MAMSTR: variants seen among roughly 807,000 people sequenced by gnomAD.
MAMSTR encodes the protein MEF2-activating motif and SAP domain-containing transcriptional regulator.
Under a neutral mutation model 42.7 loss-of-function variants are expected in MAMSTR, and 41 were observed. That is an observed-to-expected ratio of 0.96 (90% confidence interval 0.75 to 1.25). MAMSTR has a LOEUF of 1.25. Ranked by LOEUF, MAMSTR falls within the 50% of genes most tolerant of loss-of-function variation. The pLI is 0.00. For synonymous variants in MAMSTR, 265 were observed against 244.1 expected, an observed-to-expected ratio of 1.09 and a Z score of -0.80; for missense variants, 567 against 557.6, an observed-to-expected ratio of 1.02 and a Z score of -0.17.
In MAMSTR at chr19:48,714,821, T is replaced by G; in HGVS notation, c.513A>C (p.Lys171Asn). The G allele has an allele frequency of 6.2e-7, 1 of 1,609,594 alleles. No homozygotes were observed. Among genetic ancestry groups the G allele is most frequent in the Non-Finnish European group, 8.5e-7 (1 of 1,176,208 alleles). ...PPHKLELQTL[K>N]LEELTVSELR... ...CCAAACTCACCGTCAGCTCCTCCAG[T>G]TTAAGGGTCTGAAGTTCCAACTTGT... The change falls in exon 6 of 10, where the codon AAA becomes AAC. Residue 171 changes from lysine to asparagine, a missense_variant. Coordinates refer to ENST00000318083, the MANE Select transcript of MAMSTR (RefSeq NM_001130915.2).
intron 3 of MAMSTR, chr19:48,716,049 C>T (rs946958368): frequency 2.1e-6 from 2 of 942,588 alleles, no homozygotes; most frequent in Admixed American, 4.6e-5. Context: ...GTGGGGCCTG[C>T]ACTCCTGGTT....
chr19:48,708,791 A>G (rs970871650), downstream of MAMSTR, among the ~76,000 whole-genome samples: 2 of 152,068 alleles, frequency 1.3e-5, no homozygotes, highest in African/African-American at 2.4e-5. Context: ...CGAGACACAG[A>G]GAGATGAGCG....
chr19:48,709,832 C>T (rs1173415839), downstream of MAMSTR, among the ~76,000 whole-genome samples: 4 of 152,158 alleles, frequency 2.6e-5, no homozygotes, highest in Admixed American at 1.3e-4. Flanking sequence ...ACCCACTTAC[C>T]TTGCCTCTTC....
downstream of MAMSTR, among the ~76,000 whole-genome samples, chr19:48,708,251 AAAG>A (rs1366735545): frequency 9.8e-4 from 135 of 137,714 alleles, no homozygotes; most frequent in African/African-American, 3.3e-3. Context: ...AAAAAAAAAA[AAAG>A]AAGAAGAAGG....
chr19:48,707,919 A>AAAAG (rs1397204557), downstream of MAMSTR, among the ~76,000 whole-genome samples: 1 of 143,122 alleles, frequency 7.0e-6, no homozygotes, highest in African/African-American at 2.9e-5. Flanking sequence ...AAAGAAAGAA[A>AAAAG]AAAGAAAGAA....
At chr19:48,718,867 GCA>G in intron 2 of MAMSTR, 105 bp downstream of exon 2, 2 of 1,142,052 alleles carry the variant, frequency 1.8e-6, no homozygotes, top group Admixed American at 2.1e-5. Flanking sequence ...ATGACCTTTT[GCA>G]CAAAAAACAC....
the MAMSTR span, among the ~76,000 whole-genome samples, chr19:48,707,105 C>G: frequency 6.6e-6 from 1 of 151,104 alleles, no homozygotes; most frequent in African/African-American, 2.4e-5. Flanking sequence ...GACACCATCA[C>G]TAACAAAATT....
rs2032870941 is a variant in MAMSTR at position 48,714,177 on chromosome 19, C to G, written c.724-132G>C. 2.6e-5 allele frequency: 29 copies of G among 1,118,460 alleles called. 1 individual carries two copies. In the South Asian group the frequency reaches 4.7e-4, roughly 18 times the overall value. 69.3% of individuals were successfully genotyped at this position (1,118,460 alleles called of 1,614,324 possible). A position where few individuals can be genotyped will look rare whatever the true frequency, so the allele number is the denominator to read the frequency against. On this transcript the variant is annotated intron_variant, in intron 7 of 9. Coordinates refer to ENST00000318083, the MANE Select transcript of MAMSTR (RefSeq NM_001130915.2). ...TCATCAACCCCTTTGGCCTCGCCCC[C>G]TATTCTTTCATTGGCTCCTCTTCTC...
At chr19:48,714,323 G>A in intron 7 of MAMSTR, 43 bp downstream of exon 7, 1 of 1,339,556 alleles carries the variant, frequency 7.5e-7, no homozygotes. Flanking sequence ...GGCCCACTTT[G>A]CTTTCTCTTC....
intron 3 of MAMSTR, chr19:48,715,989 G>A: frequency 7.5e-7 from 1 of 1,342,130 alleles, no homozygotes; most frequent in African/African-American, 1.5e-5. Flanking sequence ...TATCACAAAG[G>A]GGTGTGGTAG....
intron 2 of MAMSTR, among the ~76,000 whole-genome samples, chr19:48,717,863 C>G (rs946066974): frequency 9.9e-5 from 15 of 152,162 alleles, no homozygotes; most frequent in Admixed American, 6.6e-4. Flanking sequence ...CGCCGCCACA[C>G]CCGGCTAATT....
At chr19:48,711,965 C>A (rs1423722992), downstream of MAMSTR, among the ~76,000 whole-genome samples, 1 of 151,718 alleles carries the variant, frequency 6.6e-6, no homozygotes, top group Admixed American at 6.6e-5. Flanking sequence ...ACCGTGTTAG[C>A]CAGGATGGTC....
At chr19:48,717,001 C>A in intron 2 of MAMSTR, 1 of 1,128,598 alleles carries the variant, frequency 8.9e-7, no homozygotes. Context: ...GGCAGCCCTG[C>A]CCCCGGCTCC....
chr19:48,710,216 TGCCTCA>T (rs1314661777), downstream of MAMSTR, among the ~76,000 whole-genome samples: 1 of 151,856 alleles, frequency 6.6e-6, no homozygotes, highest in Admixed American at 6.6e-5. Context: ...GTGATTCTCC[TGCCTCA>T]GCCTCCCGAG....
the MAMSTR span, among the ~76,000 whole-genome samples, chr19:48,707,587 A>G: frequency 6.9e-6 from 1 of 144,560 alleles, no homozygotes; most frequent in Non-Finnish European, 1.5e-5. Context: ...CTAAAAATAC[A>G]AAAATTAGCC....
At chr19:48,718,380 CTTTTTT>C (rs796615883) in intron 2 of MAMSTR, among the ~76,000 whole-genome samples, 21 of 95,162 alleles carry the variant, frequency 2.2e-4, no homozygotes, top group African/African-American at 5.4e-4. Context: ...TTGCACACTT[CTTTTTT>C]TTTTTTTTTT....
downstream of MAMSTR, among the ~76,000 whole-genome samples, chr19:48,707,820 G>GA (rs1417008078): frequency 8.9e-6 from 1 of 112,984 alleles, no homozygotes; most frequent in African/African-American, 3.5e-5. Flanking sequence ...AAGAAAGAAA[G>GA]AAAGACAAAG....
rs1275225407 is a variant in MAMSTR, at chr19:48,714,797, C to T, written c.528+9G>A. 3.1e-6 allele frequency: 5 copies of T among 1,594,550 alleles called. No individual in the cohort carries two copies. Among genetic ancestry groups the T allele is most frequent in the African/African-American group, 2.7e-5 (2 of 74,694 alleles). The stretch of plus-strand genomic sequence containing the variant: ...AGAGAAGGCCTGGAAAGTTACACCC[C>T]AAACTCACCGTCAGCTCCTCCAGTT... On this transcript the variant is annotated intron_variant, in intron 6 of 9. Transcript: ENST00000318083.
In MAMSTR at chr19:48,714,920, C is replaced by A. The variant is rs769095032; in HGVS notation, c.426-12G>T. 8 of 1,553,382 alleles carry A rather than the reference C, an allele frequency of 5.2e-6. No homozygotes were observed. The South Asian group carries it at 9.1e-5, about 18-fold the overall frequency. The stretch of plus-strand genomic sequence containing the variant: ...GAGAGGGCTTCATCCTGGTGATAAT[C>A]GTGAGGGGCGAACAAAGGTTAGAGA... On this transcript the variant is annotated splice_polypyrimidine_tract_variant and intron_variant, in intron 5 of 9. Transcript: ENST00000318083.
Sources: allele counts gnomAD v4.1 joint callset (sites outside exome capture counted in the v4.1 genomes callset), GRCh38; gene constraint gnomAD v4.1.1; transcripts MANE v1.5; gene names NCBI Gene and HGNC (gene_info 2026-07-23, HGNC 2026-07-21).